MUC5B: variants seen among roughly 807,000 people sequenced by gnomAD.
MUC5B encodes the protein mucin 5B, oligomeric mucus/gel-forming, also known as mucin-5B.
In MUC5B, 116 loss-of-function variants were observed where a neutral mutation model predicts 376.9. The observed-to-expected ratio is 0.31, with a 90% CI of 0.26 to 0.36. The LOEUF is 0.36. Among genes scored for constraint, MUC5B ranks in the 10% least tolerant of loss-of-function variants. The pLI, the probability that MUC5B is intolerant of heterozygous loss-of-function variation, is 1.00. For synonymous variants in MUC5B, 3,517 were observed against 3,390.9 expected (o/e 1.04, Z -1.29); for missense variants, 7,165 against 7,769.9 (o/e 0.92, Z 2.93).
chr11:1,258,219 G>T lies in MUC5B; in HGVS notation c.16555+16G>T, dbSNP rs949222072. On this transcript the variant is annotated intron_variant, in intron 42 of 48. Coordinates refer to ENST00000529681, the MANE Select transcript of MUC5B (RefSeq NM_002458.3). This position sits in a 1 kb window ranked among gnomAD's most constrained non-coding sequence, Gnocchi z 5.5. The stretch of plus-strand genomic sequence containing the variant: ...TTCCGCTGCAGTGAGCGGGGCTGGG[G>T]CCGGGCTCCTGGGTGGCCTCTTGCT... 3 of 1,576,518 alleles carry T rather than the reference G, an allele frequency of 1.9e-6. No individual in the cohort carries two copies. The highest frequency in any genetic ancestry group is 2.6e-6 in the Non-Finnish European group (3 of 1,161,946).
At position 1,255,148 on chromosome 11, in the gene MUC5B, G is replaced by A. The variant is rs887682705; in HGVS notation, c.15772G>A (p.Asp5258Asn). 4 of 1,570,060 alleles carry A rather than the reference G, an allele frequency of 2.5e-6. No individual in the cohort carries two copies. Among genetic ancestry groups the A allele is most frequent in the African/African-American group, 2.7e-5 (2 of 73,696 alleles). ...GTGGCTGGTCCCCGACAGCAGAAAG[G>A]ATGGCTGCTGGGCCCCGACTGGCAC... ...KTWLVPDSRK[D>N]GCWAPTGTPP... is the part of the protein sequence containing the mutation. Residue 5258 changes from aspartate to asparagine, a missense_variant, in exon 36 of 49, where the codon GAT becomes AAT. By Grantham distance (23) the Asp-to-Asn change is conservative (BLOSUM62 1). Around this residue, in one of 31 missense-constraint regions of MUC5B, gnomAD observed 842 missense variants for 1,016.9 expected, o/e 0.83. Coordinates refer to ENST00000529681, the MANE Select transcript of MUC5B (RefSeq NM_002458.3).
chr11:1,223,852 A>G (rs971272965), intron 1 of MUC5B, among the ~76,000 whole-genome samples: 1 of 152,168 alleles, frequency 6.6e-6, no homozygotes, highest in Non-Finnish European at 1.5e-5. Context: ...ATGCAGCCCC[A>G]GGGGCCACCG....
Position 1,229,823 on chromosome 11 carries a change from C to T in MUC5B, c.1220+16C>T. 1 of 1,577,736 alleles carries T rather than the reference C, an allele frequency of 6.3e-7. No homozygotes were observed. On this transcript the variant is annotated intron_variant, in intron 10 of 48. Coordinates refer to ENST00000529681, the MANE Select transcript of MUC5B (RefSeq NM_002458.3). ...GCAGCTCCTGGTACTTATGAGCCCA[C>T]CAGCCTCCGCCTGGGGTGGGGTGTG...
Position 1,253,118 on chromosome 11 carries a change from G to A in MUC5B, c.15217+138G>A, listed in dbSNP as rs1862749594. 5 of 933,598 alleles carry A rather than the reference G, an allele frequency of 5.4e-6. No homozygotes were observed. The highest frequency in any genetic ancestry group is 2.2e-5 in the Admixed American group (1 of 46,454). 57.8% of individuals were successfully genotyped at this position (933,598 alleles called of 1,614,324 possible). A position where few individuals can be genotyped will look rare whatever the true frequency, so the allele number is the denominator to read the frequency against. ...TGGTGGGGCATGGTGGGGCATGGTG[G>A]GGTGCAGTGGGGCATGGTGGGGCAT... On this transcript the variant is annotated intron_variant, in intron 33 of 48. Coordinates refer to ENST00000529681, the MANE Select transcript of MUC5B (RefSeq NM_002458.3). This position sits in a 1 kb window ranked among gnomAD's most constrained non-coding sequence, Gnocchi z 4.3.
intron 12 of MUC5B, 121 bp from the exon 13 acceptor site, chr11:1,230,815 G>C: frequency 8.1e-7 from 1 of 1,233,920 alleles, no homozygotes. Flanking sequence ...CGCAGGTCCA[G>C]GTCTGAGCTT....
rs1426767084 is a variant in MUC5B at position 1,248,602 on chromosome 11, T to A, written c.11722T>A (p.Ser3908Thr). Residue 3908 changes from serine to threonine, a missense_variant, in exon 31 of 49, where the codon TCC becomes ACC. Physicochemically the swap from Ser to Thr is moderately conservative, Grantham distance 58. This residue lies in a region of MUC5B where 242 missense variants were observed against 199.0 expected (regional missense o/e 1.22). Coordinates refer to ENST00000529681, the MANE Select transcript of MUC5B (RefSeq NM_002458.3). ...CAGTGGCTCCACGGTGACCCCCTCC[T>A]CCGTCCCGGGGACCACCCACACCCC... Reference protein sequence around the residue: ...TTSGSTVTPSSVPGTTHTPTV... With the variant: ...TTSGSTVTPSTVPGTTHTPTV... 6.2e-7 allele frequency: 1 copy of A among 1,612,264 alleles called. No individual in the cohort carries two copies. The highest frequency in any genetic ancestry group is 1.1e-5 in the South Asian group (1 of 90,982).
rs1564949834 is a variant in MUC5B, at chr11:1,251,365, A to G, written c.14485A>G (p.Thr4829Ala). Residue 4829 changes from threonine (T) to alanine (A), a missense_variant, in exon 31 of 49, where the codon ACT (threonine) becomes GCT (alanine). By Grantham distance (58) the Thr-to-Ala change is moderately conservative. Around this residue, in one of 31 missense-constraint regions of MUC5B, gnomAD observed 730 missense variants for 592.7 expected, o/e 1.23. Transcript: ENST00000529681. ...LTELTTTATT[T>A]AATGSTATLS... Reference sequence around the variant, plus strand: ...TGAGCTGACCACAACAGCCACTACAACTGCAGCCACTGGATCCACGGCCAC... The same window carrying G: ...TGAGCTGACCACAACAGCCACTACAGCTGCAGCCACTGGATCCACGGCCAC... 1.7e-5 allele frequency: 28 copies of G among 1,610,408 alleles called. No individual in the cohort carries two copies. Among genetic ancestry groups the G allele is most frequent in the Non-Finnish European group, 2.3e-5 (27 of 1,178,298 alleles).
At chr11:1,225,587 C>A in intron 1 of MUC5B, 94 bp from the exon 2 acceptor site, 2 of 1,163,586 alleles carry the variant, frequency 1.7e-6, no homozygotes, top group Non-Finnish European at 1.2e-6. Flanking sequence ...CCACATGCGG[C>A]TGCCGCACCA....
intron 23 of MUC5B, among the ~76,000 whole-genome samples, chr11:1,235,805 G>A (rs1024743593): frequency 3.6e-4 from 48 of 134,128 alleles, no homozygotes; most frequent in Admixed American, 4.6e-4. Flanking sequence ...GCCCCCCCCC[G>A]CCCCCACGTA....
At chr11:1,223,469 G>A in intron 1 of MUC5B, 1 of 533,926 alleles carries the variant, frequency 1.9e-6, no homozygotes, top group Non-Finnish European at 3.5e-6. Flanking sequence ...CACCGAAAGG[G>A]TCTTGGTCTT....
chr11:1,233,406 C>A, intron 18 of MUC5B, 138 bp downstream of exon 18: 1 of 1,031,118 alleles, frequency 9.7e-7, no homozygotes, highest in Non-Finnish European at 1.4e-6. Flanking sequence ...CAGGGTGGAC[C>A]CAGCACATTC....
In MUC5B at chr11:1,246,084, C is replaced by A; in HGVS notation, c.9204C>A (p.Pro3068=). The A allele has an allele frequency of 6.2e-7, 1 of 1,613,184 alleles. No homozygotes were observed. Among genetic ancestry groups the A allele is most frequent in the Non-Finnish European group, 8.5e-7 (1 of 1,179,614 alleles). ...AATCCACAGCTACCAGCTTTACACCCATCCCCTCCTTCACCCTTGGGACCA... is the reference window on the plus strand; with the variant it reads ...AATCCACAGCTACCAGCTTTACACCAATCCCCTCCTTCACCCTTGGGACCA... ...ATKSTATSFT[P]IPSFTLGTTG... The change falls in exon 31 of 49, where the codon CCC becomes CCA. Residue 3068 remains proline, a synonymous_variant. Transcript: ENST00000529681.
chr11:1,229,075 G>A, intron 8 of MUC5B, 95 bp from the exon 9 acceptor site: 1 of 1,378,344 alleles, frequency 7.3e-7, no homozygotes, highest in East Asian at 2.6e-5. Context: ...CTGTGGACTT[G>A]ATGGCATGTG....
At position 1,233,863 on chromosome 11, in the gene MUC5B, TGCCC is replaced by T; in HGVS notation, c.2377+16_2377+19del. The T allele has an allele frequency of 2.0e-6, 1 of 495,776 alleles. No individual in the cohort carries two copies. Among genetic ancestry groups the T allele is most frequent in the South Asian group, 3.4e-5 (1 of 29,190 alleles). 30.7% of individuals were successfully genotyped at this position (495,776 alleles called of 1,614,324 possible). A position where few individuals can be genotyped will look rare whatever the true frequency, so the allele number is the denominator to read the frequency against. On this transcript the variant is annotated intron_variant, in intron 19 of 48. Coordinates refer to ENST00000529681, the MANE Select transcript of MUC5B (RefSeq NM_002458.3). ...GAAAAGCACAGGTAAGTGCCACCCC[TGCCC>T]TGCCCTGCCCTGCCCCGCCCCGCAT...
Position 1,237,053 on chromosome 11 carries a change from G to A in MUC5B, c.3186G>A (p.Pro1062=), listed in dbSNP as rs78669250. 4.1e-5 allele frequency: 65 copies of A among 1,580,754 alleles called. No individual in the cohort carries two copies. The Admixed American group carries it at 5.0e-4, about 12-fold the overall frequency. Residue 1062 remains proline (P), a synonymous_variant, in exon 25 of 49, where the codon CCG becomes CCA. Coordinates refer to ENST00000529681, the MANE Select transcript of MUC5B (RefSeq NM_002458.3). ...GCTGGAAGCTCTCCCCCTCCTGCCC[G>A]GACGCCCTGGCACCCAAGGACCCCT... ...GNSWKLSPSC[P]DALAPKDPCT...
In MUC5B at chr11:1,247,320, C is replaced by T. The variant is rs1458165637; in HGVS notation, c.10440C>T (p.Gly3480=). 4.3e-6 allele frequency: 7 copies of T among 1,611,444 alleles called. No homozygotes were observed. Among genetic ancestry groups the T allele is most frequent in the Non-Finnish European group, 5.9e-6 (7 of 1,179,514 alleles). Residue 3480 remains glycine (G), a synonymous_variant, in exon 31 of 49, where the codon GGC becomes GGT. Transcript: ENST00000529681. The part of the protein sequence containing the change: ...AWTSATSGIL[G]TTHITEPSTV... ...CTTCGGCCACCTCGGGCATCTTGGG[C>T]ACCACCCACATCACAGAGCCTTCCA...
At chr11:1,231,075 C>T in intron 13 of MUC5B, 70 bp downstream of exon 13, 1 of 1,445,344 alleles carries the variant, frequency 6.9e-7, no homozygotes, top group East Asian at 2.5e-5. Flanking sequence ...ACAGCCTGGG[C>T]AGCGTCCGCT....
chr11:1,252,887 A>G lies in MUC5B; in HGVS notation c.15124A>G (p.Lys5042Glu). 6.2e-7 allele frequency: 1 copy of G among 1,612,566 alleles called. No individual in the cohort carries two copies. Among genetic ancestry groups the G allele is most frequent in the Non-Finnish European group, 8.5e-7 (1 of 1,179,846 alleles). ...GDNRVVLLDPKPVANVTCVNK... is the reference protein window; with the variant it reads ...GDNRVVLLDPEPVANVTCVNK... ...CAACCGTGTCGTCCTGCTGGACCCA[A>G]AGCCTGTGGCCAACGTCACCTGCGT... Residue 5042 changes from lysine (K) to glutamate (E), a missense_variant, in exon 33 of 49, where the codon AAG becomes GAG. By Grantham distance (56) the Lys-to-Glu change is moderately conservative. Transcript: ENST00000529681.
At chr11:1,229,541 T>A (rs1208639044) in intron 9 of MUC5B, 149 bp from the exon 10 acceptor site, 4 of 800,076 alleles carry the variant, frequency 5.0e-6, no homozygotes, top group Non-Finnish European at 7.8e-6. Context: ...TGCTTGGTGT[T>A]CATCCAAGCG....
Sources: allele counts gnomAD v4.1 joint callset (sites outside exome capture counted in the v4.1 genomes callset), GRCh38; gene constraint gnomAD v4.1.1; regional missense constraint gnomAD v4.1.1; non-coding constraint Gnocchi (gnomAD v3.1); transcripts MANE v1.5; gene names NCBI Gene and HGNC (gene_info 2026-07-23, HGNC 2026-07-21).